Variants in RIPOR2 observed in about 807,000 individuals in gnomAD.
RIPOR2 encodes rho family-interacting cell polarization regulator 2.
In RIPOR2, 39 loss-of-function variants were observed where a neutral mutation model predicts 114.5. The observed-to-expected ratio is 0.34, with a 90% CI of 0.26 to 0.44. The LOEUF (loss-of-function observed/expected upper bound fraction) is 0.44, where lower values mean the gene tolerates loss of function less well. Among genes scored for constraint, RIPOR2 ranks in the 20% least tolerant of loss-of-function variants. The pLI is 1.00. For synonymous variants in RIPOR2, 445 were observed against 484.4 expected (o/e 0.92, Z 1.07); for missense variants, 1,007 against 1,255.1 (o/e 0.80, Z 2.99).
chr6:24,825,501 G>C, intron 18 of RIPOR2, 73 bp from the exon 19 acceptor site: 1 of 1,076,310 alleles, frequency 9.3e-7, no homozygotes, highest in East Asian at 2.6e-5. Flanking sequence ...AATATAAATA[G>C]AACTCAAGTA....
chr6:24,937,380 C>A (rs935621300), upstream of RIPOR2, among the ~76,000 whole-genome samples: 1 of 152,130 alleles, frequency 6.6e-6, no homozygotes, highest in South Asian at 2.1e-4. Context: ...GAAGAACTGT[C>A]CAGCTCCAAA....
intron 1 of RIPOR2, among the ~76,000 whole-genome samples, chr6:24,956,332 G>T (rs12332965): frequency 0.13 from 19,951 of 152,088 alleles, 2,889 homozygotes; most frequent in African/African-American, 0.36. Flanking sequence ...ATTTTAAGAT[G>T]ATTTTTTAGG....
At chr6:24,904,097 T>C (rs1203894033) in intron 1 of RIPOR2, among the ~76,000 whole-genome samples, 1 of 152,160 alleles carries the variant, frequency 6.6e-6, no homozygotes, top group Non-Finnish European at 1.5e-5. Context: ...AGATTGAAGG[T>C]AGAAGCGGGG....
intron 1 of RIPOR2, among the ~76,000 whole-genome samples, chr6:24,924,941 T>C (rs1486457482): frequency 2.0e-5 from 3 of 152,228 alleles, no homozygotes; most frequent in African/African-American, 7.2e-5. Context: ...ATTTCACATA[T>C]TGTTATTGAC....
At chr6:24,869,614 G>A (rs1011787391) in intron 5 of RIPOR2, among the ~76,000 whole-genome samples, 8 of 151,962 alleles carry the variant, frequency 5.3e-5, no homozygotes, top group African/African-American at 1.9e-4. Context: ...CACCATGCCC[G>A]GCCCTGGAAA....
chr6:24,854,933 A>G (rs1013065468), intron 8 of RIPOR2, among the ~76,000 whole-genome samples: 1 of 149,250 alleles, frequency 6.7e-6, no homozygotes, highest in African/African-American at 2.5e-5. Flanking sequence ...AGGCTGAGGC[A>G]GGAGAATCGC....
At chr6:25,034,640 T>C (rs1777155792) in intron 1 of RIPOR2, among the ~76,000 whole-genome samples, 2 of 152,202 alleles carry the variant, frequency 1.3e-5, no homozygotes, top group South Asian at 4.1e-4. Flanking sequence ...ATTACAGACT[T>C]CAGAATCCAT....
chr6:24,955,408 C>T (rs1772983735), intron 1 of RIPOR2, among the ~76,000 whole-genome samples: 1 of 152,074 alleles, frequency 6.6e-6, no homozygotes. Context: ...GGACAGAAGG[C>T]TCACAGCTCA....
At chr6:25,011,920 A>G (rs1280516666) in intron 1 of RIPOR2, among the ~76,000 whole-genome samples, 1 of 152,246 alleles carries the variant, frequency 6.6e-6, no homozygotes, top group Non-Finnish European at 1.5e-5. Context: ...ATTTCAAAAG[A>G]CACTAGTAAG....
chr6:24,933,535 A>T (rs1021601640), intron 1 of RIPOR2, among the ~76,000 whole-genome samples: 5 of 152,230 alleles, frequency 3.3e-5, no homozygotes, highest in African/African-American at 1.2e-4. Context: ...AAAACTGAAT[A>T]AAAATACACT....
chr6:24,998,795 G>T (rs1775159984), intron 1 of RIPOR2, among the ~76,000 whole-genome samples: 1 of 152,164 alleles, frequency 6.6e-6, no homozygotes, highest in East Asian at 1.9e-4. Context: ...ATCGGCCCAA[G>T]GTTGGCCAGG....
intron 15 of RIPOR2, among the ~76,000 whole-genome samples, chr6:24,833,464 G>A (rs1760838937): frequency 6.6e-6 from 1 of 151,998 alleles, no homozygotes; most frequent in Non-Finnish European, 1.5e-5. Context: ...TTGTGCCACT[G>A]CACTCCATCC....
At chr6:24,806,545 G>T in intron 21 of RIPOR2, 72 bp from the exon 22 acceptor site, 1 of 1,185,974 alleles carries the variant, frequency 8.4e-7, no homozygotes, top group Non-Finnish European at 1.2e-6. Flanking sequence ...GTAACATAGT[G>T]CCATTTGTTT....
chr6:24,822,751 C>G (rs911715542), intron 19 of RIPOR2, among the ~76,000 whole-genome samples: 2 of 152,188 alleles, frequency 1.3e-5, no homozygotes, highest in Non-Finnish European at 2.9e-5. Flanking sequence ...AAGTCCTGGC[C>G]TCAGGTGATC....
At chr6:25,007,364 T>G (rs958233587) in intron 1 of RIPOR2, among the ~76,000 whole-genome samples, 5 of 152,182 alleles carry the variant, frequency 3.3e-5, no homozygotes, top group Non-Finnish European at 5.9e-5. Flanking sequence ...AAGGACCTGC[T>G]GATTCATTTT....
intron 1 of RIPOR2, among the ~76,000 whole-genome samples, chr6:25,030,268 C>G (rs939429162): frequency 3.3e-5 from 5 of 152,104 alleles, no homozygotes; most frequent in Non-Finnish European, 7.3e-5. Context: ...TAATCATTTA[C>G]TGCTGATTGA....
chr6:24,909,294 T>A (rs1045860894), intron 1 of RIPOR2, among the ~76,000 whole-genome samples: 1 of 152,148 alleles, frequency 6.6e-6, no homozygotes, highest in African/African-American at 2.4e-5. Context: ...GAAGGATAAC[T>A]ACTGATGCTT....
Position 24,861,072 on chromosome 6 carries a change from C to A in RIPOR2, c.652-36G>T, listed in dbSNP as rs186409876. 72 of 1,484,208 alleles carry A rather than the reference C, an allele frequency of 4.9e-5. 3 individuals are homozygous for A. In the East Asian group the frequency reaches 7.5e-4, roughly 15 times the overall value. The allele number at this position is 1,484,208 out of a possible 1,614,324, so 91.9% of individuals were successfully genotyped here. A position where few individuals can be genotyped will look rare whatever the true frequency, so the allele number is the denominator to read the frequency against. Reference sequence around the variant, plus strand: ...GACAGGAGACGATCATGAGAGCTAGCCTTTCACCCAACAGCTCAAAGCACA... The same window carrying A: ...GACAGGAGACGATCATGAGAGCTAGACTTTCACCCAACAGCTCAAAGCACA... On this transcript the variant is annotated intron_variant, in intron 7 of 21. Transcript: ENST00000643898.
intron 1 of RIPOR2, among the ~76,000 whole-genome samples, chr6:24,977,983 C>T (rs1454256565): frequency 6.6e-6 from 1 of 152,084 alleles, no homozygotes; most frequent in African/African-American, 2.4e-5. Flanking sequence ...TTGAAATGAG[C>T]CAAGGAAGGA....
Sources: allele counts gnomAD v4.1 joint callset (sites outside exome capture counted in the v4.1 genomes callset), GRCh38; gene constraint gnomAD v4.1.1; transcripts MANE v1.5; gene names NCBI Gene and HGNC (gene_info 2026-07-23, HGNC 2026-07-21).